BRD2: variants seen among roughly 807,000 people sequenced by gnomAD.
BRD2 encodes the protein bromodomain containing 2.
A neutral mutation model predicts 79.1 loss-of-function variants in BRD2; 15 were observed. The observed-to-expected ratio is 0.19, with a 90% CI of 0.13 to 0.29. The LOEUF (loss-of-function observed/expected upper bound fraction) is 0.29, where lower values mean the gene tolerates loss of function less well. Ranked by LOEUF, BRD2 falls within the 10% of genes least tolerant of loss-of-function variation. The probability of loss-of-function intolerance (pLI) is 1.00; values close to 1 mark genes in which losing one functional copy is unlikely to be tolerated. For synonymous variants in BRD2, 488 were observed against 358.6 expected (o/e 1.36, Z -4.08); for missense variants, 1,053 against 991.3 (o/e 1.06, Z -0.84).
chr6:32,976,314 C>T lies in BRD2; in HGVS notation c.675C>T (p.Ala225=). 1 of 1,613,062 alleles carries T rather than the reference C, an allele frequency of 6.2e-7. No homozygotes were observed. The highest frequency in any genetic ancestry group is 8.5e-7 in the Non-Finnish European group (1 of 1,180,022). ...CCGTCTCTTCTGTGTCACACACAGC[C>T]CTGTATACTCCTCCACCTGAGATAC... The part of the protein sequence containing the change: ...VPAVSSVSHT[A]LYTPPPEIPT... The change falls in exon 6 of 13, where the codon GCC becomes GCT. Residue 225 remains alanine (A), a synonymous_variant. Transcript: ENST00000374825.
At chr6:32,979,042 GT>G (rs1178599161) in intron 10 of BRD2, 1 of 66,486 alleles carries the variant, frequency 1.5e-5, no homozygotes, top group Non-Finnish European at 3.8e-5. Context: ...GTGGTTTTGT[GT>G]TTTGTTTTTT....
At chr6:32,969,234 G>T (rs766960809) in intron 1 of BRD2, 178 bp downstream of exon 1, 9 of 619,342 alleles carry the variant, frequency 1.5e-5, no homozygotes, top group African/African-American at 3.6e-5. Context: ...AGGGCCATGG[G>T]GGGGGAGGGG....
rs1777724003 is a variant in BRD2, at chr6:32,969,196, G to A, written c.-1305+140G>A. 5.2e-6 allele frequency: 3 copies of A among 572,410 alleles called. No homozygotes were observed. In the South Asian group the frequency reaches 6.0e-5, roughly 11 times the overall value. 35.5% of individuals were successfully genotyped at this position (572,410 alleles called of 1,614,324 possible). A position where few individuals can be genotyped will look rare whatever the true frequency, so the allele number is the denominator to read the frequency against. On this transcript the variant is annotated intron_variant, in intron 1 of 12. Coordinates refer to ENST00000374825, the MANE Select transcript of BRD2 (RefSeq NM_005104.4). ...GTCCTTCAAACCTTTTACAGCCAAT[G>A]GGAGCGTGGAGGGGGGGCGAGCGGG... is the stretch of plus-strand genomic sequence containing the variant.
Position 32,971,704 on chromosome 6 carries a change from C to G in BRD2, c.-1195C>G. The G allele has an allele frequency of 1.9e-6, 1 of 524,362 alleles. No homozygotes were observed. The highest frequency in any genetic ancestry group is 3.4e-6 in the Non-Finnish European group (1 of 297,802). The allele number at this position is 524,362 out of a possible 1,614,324, so 32.5% of individuals were successfully genotyped here. A position where few individuals can be genotyped will look rare whatever the true frequency, so the allele number is the denominator to read the frequency against. On this transcript the variant is annotated 5_prime_UTR_variant, in exon 2 of 13. Transcript: ENST00000374825. ...TACGCCCACGCGACCCCTCCCGTTT[C>G]CCTGCTTTGGCCAATGGAGGAGCTA...
At position 32,978,111 on chromosome 6, in the gene BRD2, T is replaced by G. The variant is rs1779017120; in HGVS notation, c.1579-15T>G. On this transcript the variant is annotated splice_polypyrimidine_tract_variant and intron_variant, in intron 9 of 12. Coordinates refer to ENST00000374825, the MANE Select transcript of BRD2 (RefSeq NM_005104.4). Reference sequence around the variant, plus strand: ...CTTTATTTACTTTTTCCACTTCATGTTTTTTTTCCTTTAGCTTCGGGCAGT... The same window carrying G: ...CTTTATTTACTTTTTCCACTTCATGGTTTTTTTCCTTTAGCTTCGGGCAGT... The G allele has an allele frequency of 1.3e-6, 2 of 1,578,848 alleles. No individual in the cohort carries two copies. Among genetic ancestry groups the G allele is most frequent in the South Asian group, 1.1e-5 (1 of 87,066 alleles).
rs768253220 is a variant in BRD2, at chr6:32,972,087, A to AGC, written c.-800_-799dup. ...CTCAGCTTCTTCACCCGCGTGAGCG[A>AGC]GCGCGCGCGCGCGGAGGGGGTGGGG... On this transcript the variant is annotated 5_prime_UTR_variant, in exon 2 of 13. An upstream open reading frame in the 5' UTR gains an earlier in-frame stop. Coordinates refer to ENST00000374825, the MANE Select transcript of BRD2 (RefSeq NM_005104.4). 158 of 670,604 alleles carry AGC rather than the reference A, an allele frequency of 2.4e-4. No individual in the cohort carries two copies. The highest frequency in any genetic ancestry group is 3.3e-4 in the South Asian group (21 of 64,240). The allele number at this position is 670,604 out of a possible 1,614,324, so 41.5% of individuals were successfully genotyped here. A position where few individuals can be genotyped will look rare whatever the true frequency, so the allele number is the denominator to read the frequency against.
intron 11 of BRD2, 42 bp downstream of exon 11, chr6:32,980,174 T>C (rs777956492): frequency 6.3e-7 from 1 of 1,590,598 alleles, no homozygotes; most frequent in Non-Finnish European, 8.6e-7. Flanking sequence ...CTGAGGACAG[T>C]TGAGGAAAGA....
Position 32,971,859 on chromosome 6 carries a change from T to C in BRD2, c.-1040T>C, listed in dbSNP as rs1252249390. 1 of 699,142 alleles carries C rather than the reference T, an allele frequency of 1.4e-6. No homozygotes were observed. The highest frequency in any genetic ancestry group is 1.7e-5 in the African/African-American group (1 of 57,188). 43.3% of individuals were successfully genotyped at this position (699,142 alleles called of 1,614,324 possible). On this transcript the variant is annotated 5_prime_UTR_variant, in exon 2 of 13. Transcript: ENST00000374825. ...TCTGGGGCGATGGCTTCCGCACCTC[T>C]TCCAACCACCCTCTTTCCCTGGAGT...
chr6:32,978,580 G>A, intron 10 of BRD2, 192 bp downstream of exon 10: 1 of 917,882 alleles, frequency 1.1e-6, no homozygotes, highest in South Asian at 1.8e-5. Flanking sequence ...AGGGTTTGAG[G>A]GGATGGTTTT....
chr6:32,972,648 C>T lies in BRD2; in HGVS notation c.-251C>T, dbSNP rs778010790. 1.5e-5 allele frequency: 9 copies of T among 602,834 alleles called. No individual in the cohort carries two copies. In the South Asian group the frequency reaches 1.6e-4, roughly 11 times the overall value. The allele number at this position is 602,834 out of a possible 1,614,324, so 37.3% of individuals were successfully genotyped here. A position where few individuals can be genotyped will look rare whatever the true frequency, so the allele number is the denominator to read the frequency against. ...AAGAGTCAGTCCCTCCTTAGTTGCCCGCCTCAGCTGAGGCCGCCGCCATTT... is the reference window on the plus strand; with the variant it reads ...AAGAGTCAGTCCCTCCTTAGTTGCCTGCCTCAGCTGAGGCCGCCGCCATTT... On this transcript the variant is annotated 5_prime_UTR_variant, in exon 2 of 13. Coordinates refer to ENST00000374825, the MANE Select transcript of BRD2 (RefSeq NM_005104.4).
Position 32,980,770 on chromosome 6 carries a change from C to G in BRD2, c.*52C>G, listed in dbSNP as rs1425458802. 4 of 1,594,372 alleles carry G rather than the reference C, an allele frequency of 2.5e-6. No homozygotes were observed. Among genetic ancestry groups the G allele is most frequent in the Non-Finnish European group, 3.4e-6 (4 of 1,167,000 alleles). On this transcript the variant is annotated 3_prime_UTR_variant, in exon 13 of 13. Coordinates refer to ENST00000374825, the MANE Select transcript of BRD2 (RefSeq NM_005104.4). The stretch of plus-strand genomic sequence containing the variant: ...GCTCCGCAGGACCGGACCCCTAGAC[C>G]ACCCTGCCCCACCTGCCCCTTCCCC...
chr6:32,973,729 C>T (rs116485583), intron 2 of BRD2, among the ~76,000 whole-genome samples: 2,749 of 152,180 alleles, frequency 0.018, 39 homozygotes, highest in Non-Finnish European at 0.031. Flanking sequence ...TGGAAGGGGG[C>T]TATCACTTGG....
chr6:32,979,808 A>G lies in BRD2; in HGVS notation c.1842-20A>G. ...GAGGTTAATGAAGCTTCTTTTGCTG[A>G]CAACTCTTTTTGCCCTTAGGCTCCC... is the stretch of plus-strand genomic sequence containing the variant. On this transcript the variant is annotated intron_variant, in intron 10 of 12. Transcript: ENST00000374825. 1.2e-6 allele frequency: 2 copies of G among 1,601,740 alleles called. No individual in the cohort carries two copies. The highest frequency in any genetic ancestry group is 1.7e-6 in the Non-Finnish European group (2 of 1,174,382).
chr6:32,975,517 A>G lies in BRD2; in HGVS notation c.467A>G (p.Asn156Ser), dbSNP rs1778622426. Residue 156 changes from asparagine to serine, a missense_variant, in exon 4 of 13, where the codon AAC becomes AGC. Asn to Ser is a conservative substitution (Grantham distance 46). Around this residue, in one of 5 missense-constraint regions of BRD2, gnomAD observed 413 missense variants for 335.1 expected, o/e 1.23. Coordinates refer to ENST00000374825, the MANE Select transcript of BRD2 (RefSeq NM_005104.4). ...ATGTTCACCAACTGTTACATTTACA[A>G]CAAGGTGAGTTTTTCTGTGTGTTCA... ...NTMFTNCYIYNKPTDDIVLMA... is the reference protein window; with the variant it reads ...NTMFTNCYIYSKPTDDIVLMA... 6.2e-7 allele frequency: 1 copy of G among 1,611,244 alleles called. No homozygotes were observed. Among genetic ancestry groups the G allele is most frequent in the African/African-American group, 1.3e-5 (1 of 74,602 alleles).
At position 32,968,658 on chromosome 6, in the gene BRD2, C is replaced by G. The variant is rs3918150; in HGVS notation, c.-1703C>G. 0.024 allele frequency: 3,647 copies of G among 153,654 alleles called. 63 individuals are homozygous for G. Among genetic ancestry groups the G allele is most frequent in the South Asian group, 0.039 (198 of 5,130 alleles). 9.5% of individuals were successfully genotyped at this position (153,654 alleles called of 1,614,324 possible). On this transcript the variant is annotated 5_prime_UTR_variant, in exon 1 of 13. Coordinates refer to ENST00000374825, the MANE Select transcript of BRD2 (RefSeq NM_005104.4). ...AGAGGCGAGTGGGGGGGACAGAGTC[C>G]AGGACTGCGGGATAGGAAGCTGGGG...
intron 1 of BRD2, chr6:32,970,527 A>C (rs1334444633): frequency 1.3e-5 from 2 of 152,456 alleles, no homozygotes; most frequent in Non-Finnish European, 2.9e-5. Flanking sequence ...GCGAGGGGGA[A>C]TCTTACCGTA....
chr6:32,977,155 C>A, intron 7 of BRD2: 1 of 1,326,386 alleles, frequency 7.5e-7, no homozygotes, highest in Non-Finnish European at 1.0e-6. Context: ...AAAATACTGT[C>A]TATAATTAAG....
chr6:32,975,131 A>T, intron 3 of BRD2: 1 of 1,504,408 alleles, frequency 6.6e-7, no homozygotes, highest in Non-Finnish European at 8.9e-7. Flanking sequence ...ACAGGATGGG[A>T]AGTTTCCAGA....
Position 32,976,619 on chromosome 6 carries a change from G to T in BRD2, c.883G>T (p.Ala295Ser), listed in dbSNP as rs764704089. Residue 295 changes from alanine to serine, a missense_variant, in exon 7 of 13, where the codon GCT (alanine) becomes TCT (serine). Physicochemically the swap from Ala to Ser is moderately conservative, Grantham distance 99. This residue lies in a region of BRD2 where 454 missense variants were observed against 430.5 expected (regional missense o/e 1.05). Coordinates refer to ENST00000374825, the MANE Select transcript of BRD2 (RefSeq NM_005104.4). ...TTTPTPTAILAPGSPASPPGS... is the reference protein window; with the variant it reads ...TTTPTPTAILSPGSPASPPGS... ...CACCCCTACACCTACAGCCATCTTG[G>T]CTCCTGGTTCTCCAGCTAGCCCTCC... is the stretch of plus-strand genomic sequence containing the variant. 35 of 1,610,960 alleles carry T rather than the reference G, an allele frequency of 2.2e-5. No individual in the cohort carries two copies. The highest frequency in any genetic ancestry group is 5.1e-6 in the Non-Finnish European group (6 of 1,179,632).
Sources: gnomAD v4.1 joint callset for allele counts (sites outside exome capture counted in the v4.1 genomes callset) on GRCh38, gnomAD v4.1.1 for gene constraint, gnomAD v4.1.1 regional missense constraint, MANE v1.5 for transcripts, NCBI Gene and HGNC (gene_info 2026-07-23, HGNC 2026-07-21) for gene names.